Variants in CMTM8 observed in about 807,000 individuals in gnomAD.
CMTM8 encodes CKLF-like MARVEL transmembrane domain-containing protein 8.
In CMTM8, 12 loss-of-function variants were observed where a neutral mutation model predicts 18.6. The observed-to-expected ratio is 0.65, with a 90% CI of 0.41 to 1.05. CMTM8 has a LOEUF of 1.05. Among genes scored for constraint, CMTM8 ranks in the 50% least tolerant of loss-of-function variants. The probability of loss-of-function intolerance (pLI) is 0.00; values close to 1 mark genes in which losing one functional copy is unlikely to be tolerated. For synonymous variants in CMTM8, 87 were observed against 90.6 expected (o/e 0.96, Z 0.23); for missense variants, 217 against 227.2 (o/e 0.95, Z 0.29).
At chr3:32,336,769 G>A (rs1696395284) in intron 1 of CMTM8, among the ~76,000 whole-genome samples, 1 of 152,084 alleles carries the variant, frequency 6.6e-6, no homozygotes, top group Non-Finnish European at 1.5e-5. Flanking sequence ...TCTGTTCCTT[G>A]GGAGATAGCG....
rs180715026 is a variant in CMTM8, at chr3:32,303,932, G to A, written c.148-53441G>A. ...ACCTTCATCACACTCAAGGAATTTA[G>A]CATCAATTCACTAATATGTGATGCA... On this transcript the variant is annotated intron_variant, in intron 1 of 3. Coordinates refer to ENST00000307526, the MANE Select transcript of CMTM8 (RefSeq NM_178868.5). 7.2e-5 allele frequency among the ~76,000 whole-genome samples: 11 copies of A among 152,202 alleles called. No individual in the cohort carries two copies. The East Asian group carries it at 2.1e-3, about 29-fold the overall frequency.
intron 1 of CMTM8, among the ~76,000 whole-genome samples, chr3:32,293,020 C>T (rs895591135): frequency 1.4e-4 from 21 of 151,694 alleles, no homozygotes; most frequent in African/African-American, 4.4e-4. Flanking sequence ...TGATAGACGT[C>T]TATCCATATC....
At chr3:32,337,714 G>A (rs75566330) in intron 1 of CMTM8, among the ~76,000 whole-genome samples, 1,531 of 152,228 alleles carry the variant, frequency 0.01, 28 homozygotes, top group African/African-American at 0.036. Context: ...AGCAGGTCTG[G>A]GTGTGACCTA....
chr3:32,251,023 A>T (rs950956916), intron 1 of CMTM8, among the ~76,000 whole-genome samples: 1 of 152,220 alleles, frequency 6.6e-6, no homozygotes, highest in Non-Finnish European at 1.5e-5. Flanking sequence ...AGTTATACAA[A>T]AAAGTTCATA....
At chr3:32,299,907 T>C (rs959665729) in intron 1 of CMTM8, among the ~76,000 whole-genome samples, 7 of 152,180 alleles carry the variant, frequency 4.6e-5, no homozygotes, top group Admixed American at 2.0e-4. Context: ...TCTGCCATCA[T>C]AGTGTGAAAG....
chr3:32,303,814 A>G (rs1695672247), intron 1 of CMTM8, among the ~76,000 whole-genome samples: 1 of 152,188 alleles, frequency 6.6e-6, no homozygotes, highest in South Asian at 2.1e-4. Context: ...ACCACTGGGA[A>G]GTTGCAGGCC....
chr3:32,324,880 C>A (rs755274507), intron 1 of CMTM8, among the ~76,000 whole-genome samples: 1 of 152,188 alleles, frequency 6.6e-6, no homozygotes, highest in Non-Finnish European at 1.5e-5. Context: ...AAGAGGCAAT[C>A]GTGGAAAAGT....
intron 1 of CMTM8, among the ~76,000 whole-genome samples, chr3:32,355,798 C>T (rs1010152316): frequency 6.6e-6 from 1 of 152,188 alleles, no homozygotes; most frequent in Non-Finnish European, 1.5e-5. Flanking sequence ...CTTACAGGTT[C>T]TAGAAGGTAG....
chr3:32,288,797 G>T (rs935194068), intron 1 of CMTM8, among the ~76,000 whole-genome samples: 6 of 152,308 alleles, frequency 3.9e-5, no homozygotes, highest in African/African-American at 1.2e-4. Flanking sequence ...ACTATATCTG[G>T]CCGCAGCTGT....
intron 1 of CMTM8, among the ~76,000 whole-genome samples, chr3:32,315,128 C>CTTT (rs774058477): frequency 0.037 from 5,134 of 138,518 alleles, 359 homozygotes; most frequent in African/African-American, 0.14. Context: ...TCTTCTTCTT[C>CTTT]TTTTTTTTTT....
At chr3:32,262,975 T>C (rs897371437) in intron 1 of CMTM8, among the ~76,000 whole-genome samples, 40 of 151,604 alleles carry the variant, frequency 2.6e-4, no homozygotes, top group African/African-American at 9.3e-4. Flanking sequence ...TTAAAAGCTA[T>C]ATTAAAAACC....
At chr3:32,310,132 G>A (rs1354158276) in intron 1 of CMTM8, among the ~76,000 whole-genome samples, 2 of 151,612 alleles carry the variant, frequency 1.3e-5, no homozygotes, top group African/African-American at 2.4e-5. Context: ...GGAGTAGTGG[G>A]GCTGTGGATG....
Position 32,348,532 on chromosome 3 carries a change from T to TTTTTTTTTC in CMTM8, c.148-8833_148-8832insCTTTTTTTT, listed in dbSNP as rs1484446847. 9.8e-4 allele frequency among the ~76,000 whole-genome samples: 142 copies of TTTTTTTTTC among 145,504 alleles called. 8 individuals carry two copies. In the East Asian group the frequency reaches 0.025, roughly 26 times the overall value. On this transcript the variant is annotated intron_variant, in intron 1 of 3. Transcript: ENST00000307526. The stretch of plus-strand genomic sequence containing the variant: ...TCTTCACTCTCTCTTCCTGGAACTT[T>TTTTTTTTTC]TTTTTTTTTTGGAGACAAGATCTGA...
At chr3:32,241,603 G>A (rs1434427897) in intron 1 of CMTM8, among the ~76,000 whole-genome samples, 1 of 152,164 alleles carries the variant, frequency 6.6e-6, no homozygotes, top group African/African-American at 2.4e-5. Flanking sequence ...GATAGGCTAG[G>A]CTTAGCTATG....
At chr3:32,369,459 T>G (rs1318976820) in intron 3 of CMTM8, among the ~76,000 whole-genome samples, 1 of 152,152 alleles carries the variant, frequency 6.6e-6, no homozygotes, top group Non-Finnish European at 1.5e-5. Context: ...AGGGCCTGCA[T>G]TTTCCTCCTC....
At chr3:32,369,771 G>C (rs1223530173) in intron 3 of CMTM8, 113 bp from the exon 4 acceptor site, 2 of 584,542 alleles carry the variant, frequency 3.4e-6, no homozygotes, top group South Asian at 2.6e-5. Flanking sequence ...AGATGGCAAA[G>C]CCTGGTATCA....
chr3:32,273,377 C>A lies in CMTM8; in HGVS notation c.147+34258C>A, dbSNP rs146750685. 2.6e-3 allele frequency among the ~76,000 whole-genome samples: 403 copies of A among 152,264 alleles called. 1 individual carries two copies. The highest frequency in any genetic ancestry group is 9.5e-3 in the African/African-American group (393 of 41,536). ...ATATATACATACACACACATGCTTT[C>A]TCAAGGTCATAAATGTTCATCGCAG... On this transcript the variant is annotated intron_variant, in intron 1 of 3. Transcript: ENST00000307526.
At chr3:32,275,628 G>GC (rs1323555598) in intron 1 of CMTM8, among the ~76,000 whole-genome samples, 1 of 143,670 alleles carries the variant, frequency 7.0e-6, no homozygotes. Flanking sequence ...GAGCACAAAG[G>GC]CCCCCCATGT....
intron 1 of CMTM8, among the ~76,000 whole-genome samples, chr3:32,341,256 T>C (rs7647165): frequency 0.43 from 64,742 of 151,982 alleles, 14,661 homozygotes; most frequent in African/African-American, 0.59. Context: ...GAGGCTTCTG[T>C]TGCCTTTACT....
Sources: gnomAD v4.1 joint callset for allele counts (sites outside exome capture counted in the v4.1 genomes callset) on GRCh38, gnomAD v4.1.1 for gene constraint, MANE v1.5 for transcripts, NCBI Gene and HGNC (gene_info 2026-07-23, HGNC 2026-07-21) for gene names.